NDUFV2: variants seen among roughly 807,000 people sequenced by gnomAD.
NDUFV2 encodes NADH:ubiquinone oxidoreductase core subunit V2.
In NDUFV2, 18 loss-of-function variants were observed where a neutral mutation model predicts 31.6. The ratio of observed to expected loss-of-function variants is 0.57; its 90% confidence interval spans 0.39 to 0.84. NDUFV2 has a LOEUF of 0.84. Among genes scored for constraint, NDUFV2 ranks in the 40% least tolerant of loss-of-function variants. NDUFV2 has a pLI of 0.00. For synonymous variants in NDUFV2, 83 were observed against 99.8 expected, an observed-to-expected ratio of 0.83 and a Z score of 1.01; for missense variants, 314 against 303.6, an observed-to-expected ratio of 1.03 and a Z score of -0.26.
At chr18:9,128,714 A>C (rs1405146387) in intron 7 of NDUFV2, among the ~76,000 whole-genome samples, 3 of 152,186 alleles carry the variant, frequency 2.0e-5, no homozygotes, top group Non-Finnish European at 4.4e-5. Context: ...TATTTTCCAC[A>C]AGCTTCATCT....
intron 2 of NDUFV2, among the ~76,000 whole-genome samples, chr18:9,118,822 T>G (rs1205648588): frequency 1.4e-5 from 2 of 147,238 alleles, no homozygotes; most frequent in East Asian, 2.0e-4. Context: ...GCTGTTTTTT[T>G]TTTTTTTTTT....
At chr18:9,109,332 C>G (rs1181955918) in intron 1 of NDUFV2, among the ~76,000 whole-genome samples, 1 of 152,202 alleles carries the variant, frequency 6.6e-6, no homozygotes, top group African/African-American at 2.4e-5. Context: ...ATTGCCTGAC[C>G]TTAGTCTTGT....
intron 1 of NDUFV2, among the ~76,000 whole-genome samples, chr18:9,116,563 C>T (rs2077899145): frequency 6.6e-6 from 1 of 151,742 alleles, no homozygotes; most frequent in African/African-American, 2.4e-5. Flanking sequence ...CCCTCCCTGC[C>T]TTCCAATTAT....
intron 7 of NDUFV2, among the ~76,000 whole-genome samples, chr18:9,130,104 A>G (rs745844648): frequency 5.9e-5 from 9 of 152,202 alleles, no homozygotes; most frequent in African/African-American, 9.7e-5. Flanking sequence ...TGATAGGTAG[A>G]TACGAACCTG....
In NDUFV2 at chr18:9,119,521, A is replaced by T; in HGVS notation, c.231A>T (p.Ala77=). ...VKNYPEGHKA[A]AVLPVLDLAQ... ...ACTATCCAGAAGGCCATAAAGCAGC[A>T]GCTGTTCTTCCAGTCCTGGATTTAG... The change falls in exon 4 of 8, where the codon GCA becomes GCT. Residue 77 remains alanine, a synonymous_variant. Coordinates refer to ENST00000318388, the MANE Select transcript of NDUFV2 (RefSeq NM_021074.5). The T allele has an allele frequency of 6.2e-7, 1 of 1,613,942 alleles. No homozygotes were observed. The highest frequency in any genetic ancestry group is 8.5e-7 in the Non-Finnish European group (1 of 1,179,896).
In NDUFV2 at chr18:9,102,735, T is replaced by C. The variant is rs949620655; in HGVS notation, c.-9T>C. 4.4e-6 allele frequency: 7 copies of C among 1,584,584 alleles called. No individual in the cohort carries two copies. The African/African-American group carries it at 6.8e-5, about 15-fold the overall frequency. On this transcript the variant is annotated 5_prime_UTR_variant, in exon 1 of 8. Transcript: ENST00000318388. ...GCGCGGCTGGGGAAGGTGAACAGTG[T>C]GGCCCGCCATGTTCTTCTCCGCGGC...
At chr18:9,122,748 T>G (rs2077949681) in intron 5 of NDUFV2, 67 bp downstream of exon 5, 2 of 1,558,854 alleles carry the variant, frequency 1.3e-6, no homozygotes, top group East Asian at 4.6e-5. Context: ...TTGGTACATT[T>G]CTATCTAAAA....
chr18:9,124,639 G>A (rs537121939), intron 5 of NDUFV2, among the ~76,000 whole-genome samples: 311 of 151,090 alleles, frequency 2.1e-3, no homozygotes, highest in African/African-American at 7.2e-3. Context: ...TAGTAGAGAC[G>A]GGGTTTCACC....
chr18:9,113,866 CAA>C (rs1466995257), intron 1 of NDUFV2, among the ~76,000 whole-genome samples: 1 of 152,168 alleles, frequency 6.6e-6, no homozygotes, highest in African/African-American at 2.4e-5. Context: ...TTGTTGGAGA[CAA>C]GAGTCTTGCC....
At chr18:9,127,015 A>G in intron 7 of NDUFV2, 108 bp downstream of exon 7, 3 of 872,268 alleles carry the variant, frequency 3.4e-6, no homozygotes, top group Non-Finnish European at 5.9e-6. Context: ...AATTGGTAGG[A>G]GCTTTGGATA....
At chr18:9,106,987 TAATCC>T (rs372982360) in intron 1 of NDUFV2, among the ~76,000 whole-genome samples, 1,583 of 152,320 alleles carry the variant, frequency 0.01, 36 homozygotes, top group African/African-American at 0.036. Context: ...CCCACCTAGA[TAATCC>T]AGGATAATCT....
At chr18:9,132,254 T>G (rs1156379686) in intron 7 of NDUFV2, 1 of 152,216 alleles carries the variant, frequency 6.6e-6, no homozygotes, top group Non-Finnish European at 1.5e-5. Flanking sequence ...TTCCGGAAAC[T>G]TCAGTTTTTA....
rs748301196 is a variant in NDUFV2, at chr18:9,122,536, T to A, written c.324T>A (p.Pro108=). The A allele has an allele frequency of 5.0e-6, 8 of 1,613,774 alleles. No homozygotes were observed. In the South Asian group the frequency reaches 7.7e-5, roughly 16 times the overall value. ...MNKVAEVLQV[P]PMRVYEVATF... Reference sequence around the variant, plus strand: ...AGGTTGCAGAAGTTTTACAAGTACCTCCAATGAGAGTATATGAAGTAGCAA... The same window carrying A: ...AGGTTGCAGAAGTTTTACAAGTACCACCAATGAGAGTATATGAAGTAGCAA... Residue 108 remains proline (P), a synonymous_variant, in exon 5 of 8, where the codon CCT becomes CCA. Coordinates refer to ENST00000318388, the MANE Select transcript of NDUFV2 (RefSeq NM_021074.5).
intron 1 of NDUFV2, among the ~76,000 whole-genome samples, chr18:9,110,223 T>G (rs1270453103): frequency 6.6e-6 from 1 of 152,200 alleles, no homozygotes; most frequent in East Asian, 1.9e-4. Context: ...GCCTCTTTAT[T>G]TCAAAGTGAA....
intron 1 of NDUFV2, among the ~76,000 whole-genome samples, chr18:9,111,780 T>C (rs979572778): frequency 2.0e-5 from 3 of 151,884 alleles, no homozygotes; most frequent in African/African-American, 7.3e-5. Context: ...CATGCCGTTA[T>C]TTTTCTGTTT....
chr18:9,104,212 C>G (rs780691196), intron 1 of NDUFV2: 3 of 1,612,634 alleles, frequency 1.9e-6, no homozygotes, highest in South Asian at 2.2e-5. Context: ...AGAAGCCACC[C>G]TCTGCTGTTG....
chr18:9,112,025 T>TG (rs2077873445), intron 1 of NDUFV2, among the ~76,000 whole-genome samples: 2 of 149,632 alleles, frequency 1.3e-5, no homozygotes, highest in Admixed American at 6.6e-5. Flanking sequence ...GGGTTTTTTT[T>TG]TTTTTTTTTT....
chr18:9,104,993 T>G (rs1013279688), intron 1 of NDUFV2: 1 of 1,532,820 alleles, frequency 6.5e-7, no homozygotes, highest in African/African-American at 1.3e-5. Flanking sequence ...TTTATACTGT[T>G]TGGTAGCCTG....
Position 9,102,737 on chromosome 18 carries a change from G to C in NDUFV2, c.-7G>C. On this transcript the variant is annotated 5_prime_UTR_variant, in exon 1 of 8. Transcript: ENST00000318388. ...GCGGCTGGGGAAGGTGAACAGTGTGGCCCGCCATGTTCTTCTCCGCGGCGC... is the reference window on the plus strand; with the variant it reads ...GCGGCTGGGGAAGGTGAACAGTGTGCCCCGCCATGTTCTTCTCCGCGGCGC... 6.3e-7 allele frequency: 1 copy of C among 1,584,548 alleles called. No individual in the cohort carries two copies. Among genetic ancestry groups the C allele is most frequent in the Non-Finnish European group, 8.6e-7 (1 of 1,167,936 alleles).
Sources: gnomAD v4.1 joint callset for allele counts (sites outside exome capture counted in the v4.1 genomes callset) on GRCh38, gnomAD v4.1.1 for gene constraint, MANE v1.5 for transcripts, NCBI Gene and HGNC (gene_info 2026-07-23, HGNC 2026-07-21) for gene names.